Variants in EP400 observed in about 807,000 individuals in gnomAD.
EP400 encodes the protein E1A binding protein p400, also known as E1A-binding protein p400.
In EP400, 105 loss-of-function variants were observed where a neutral mutation model predicts 354.1. That is an observed-to-expected ratio of 0.30 (90% CI 0.25 to 0.35). The LOEUF is 0.35. EP400 is among the 10% of genes least tolerant of loss of function. The pLI, the probability that EP400 is intolerant of heterozygous loss-of-function variation, is 1.00. For missense variants in EP400, 3,280 were observed against 4,121.0 expected (o/e 0.80, Z 5.59); for synonymous variants, 1,646 against 1,716.9 (o/e 0.96, Z 1.02).
chr12:131,989,887 T>TA, intron 7 of EP400, 77 bp from the exon 8 acceptor site: 2 of 1,550,166 alleles, frequency 1.3e-6, no homozygotes, highest in South Asian at 1.2e-5. Context: ...TGAGAAGATT[T>TA]AAAAAAAGTT....
chr12:132,073,693 C>T (rs138434917), intron 51 of EP400, among the ~76,000 whole-genome samples: 2,235 of 151,996 alleles, frequency 0.015, 59 homozygotes, highest in African/African-American at 0.051. Flanking sequence ...CCTCGTGATG[C>T]ACCTGCCTTG....
chr12:132,050,959 T>A lies in EP400; in HGVS notation c.7394+304T>A. On this transcript the variant is annotated intron_variant, in intron 41 of 52. Coordinates refer to ENST00000389561, the MANE Select transcript of EP400 (RefSeq NM_015409.5). The surrounding 1 kb of genome is among the most constrained non-coding windows in gnomAD (Gnocchi z 4.8). ...TGTGGCCAACCACAAGGGGCTTTCT[T>A]CCTCACACCCCACCTCTCAGGCACT... 2.0e-6 allele frequency: 1 copy of A among 504,322 alleles called. No homozygotes were observed. The allele number at this position is 504,322 out of a possible 1,614,324, so 31.2% of individuals were successfully genotyped here. A position where few individuals can be genotyped will look rare whatever the true frequency, so the allele number is the denominator to read the frequency against.
intron 12 of EP400, among the ~76,000 whole-genome samples, chr12:132,004,710 G>T (rs1893523575): frequency 6.6e-6 from 1 of 152,088 alleles, no homozygotes; most frequent in African/African-American, 2.4e-5. Flanking sequence ...AATTTCAGGG[G>T]TGCAAGTACA....
chr12:132,073,444 A>C (rs1157893301), intron 51 of EP400, among the ~76,000 whole-genome samples: 1 of 113,430 alleles, frequency 8.8e-6, no homozygotes, highest in South Asian at 2.4e-4. Flanking sequence ...GTGCGTTTTA[A>C]TTCTGTCCCT....
chr12:132,042,951 C>T (rs1370503384), intron 32 of EP400, among the ~76,000 whole-genome samples: 3 of 152,206 alleles, frequency 2.0e-5, no homozygotes, highest in Non-Finnish European at 4.4e-5. Flanking sequence ...TGGTGTGCAT[C>T]GGGTCTGAGA....
At position 131,981,545 on chromosome 12, in the gene EP400, C is replaced by G; in HGVS notation, c.1492C>G (p.Pro498Ala). The G allele has an allele frequency of 2.5e-6, 4 of 1,601,818 alleles. No individual in the cohort carries two copies. The highest frequency in any genetic ancestry group is 3.4e-6 in the Non-Finnish European group (4 of 1,174,552). The change falls in exon 4 of 53, where the codon CCA (proline) becomes GCA (alanine). Residue 498 changes from proline to alanine, a missense_variant. Transcript: ENST00000389561. Reference sequence around the variant, plus strand: ...TCACCAAGGGGTAGTTTTCCAGCACCCAGGGGCGGACGCAGGCGTTCCTCT... The same window carrying G: ...TCACCAAGGGGTAGTTTTCCAGCACGCAGGGGCGGACGCAGGCGTTCCTCT... ...VGHQGVVFQH[P>A]GADAGVPLQQ...
intron 14 of EP400, 85 bp downstream of exon 14, chr12:132,006,387 C>T (rs961267568): frequency 6.9e-7 from 1 of 1,454,526 alleles, no homozygotes; most frequent in Non-Finnish European, 9.2e-7. Flanking sequence ...TTTCCTCTTC[C>T]CAGTGAAATG....
chr12:131,987,661 C>A, intron 6 of EP400, 44 bp from the exon 7 acceptor site: 1 of 1,505,290 alleles, frequency 6.6e-7, no homozygotes, highest in Non-Finnish European at 8.9e-7. Flanking sequence ...GTGGAACACA[C>A]TCATCACATG....
chr12:131,988,054 C>T (rs1433960789), intron 7 of EP400, among the ~76,000 whole-genome samples, 164 bp downstream of exon 7: 1 of 140,074 alleles, frequency 7.1e-6, no homozygotes, highest in Non-Finnish European at 1.5e-5. Flanking sequence ...GAATGTCCAG[C>T]TAATTTTGTG....
Position 132,029,394 on chromosome 12 carries a change from C to G in EP400, c.5382-307C>G, listed in dbSNP as rs1194736290. ...CCCAAAGTTTCCAGCTGAAGACACA[C>G]TAGAAAGAGAATGGCTTATCTCTGA... On this transcript the variant is annotated intron_variant, in intron 27 of 52. Transcript: ENST00000389561. This position sits in a 1 kb window ranked among gnomAD's most constrained non-coding sequence, Gnocchi z 4.7. 1 of 451,242 alleles carries G rather than the reference C, an allele frequency of 2.2e-6. No individual in the cohort carries two copies. The highest frequency in any genetic ancestry group is 4.0e-6 in the Non-Finnish European group (1 of 250,558). 28.0% of individuals were successfully genotyped at this position (451,242 alleles called of 1,614,324 possible). A position where few individuals can be genotyped will look rare whatever the true frequency, so the allele number is the denominator to read the frequency against.
intron 13 of EP400, 82 bp downstream of exon 13, chr12:132,005,266 A>C: frequency 9.9e-7 from 1 of 1,011,996 alleles, no homozygotes; most frequent in Non-Finnish European, 1.4e-6. Context: ...AGATTTAGAA[A>C]ATTTCTTTTA....
intron 13 of EP400, 41 bp from the exon 14 acceptor site, chr12:132,006,071 T>G: frequency 6.4e-7 from 1 of 1,569,044 alleles, no homozygotes; most frequent in Non-Finnish European, 8.7e-7. Flanking sequence ...TTATAAAGCC[T>G]TCTCAGTGGC....
intron 2 of EP400, 146 bp downstream of exon 2, chr12:131,962,100 A>G: frequency 8.8e-7 from 1 of 1,135,520 alleles, no homozygotes; most frequent in East Asian, 2.6e-5. Flanking sequence ...CCCATAAGTA[A>G]AAGTGAAGAA....
At chr12:132,030,716 C>A (rs942795239) in intron 29 of EP400, among the ~76,000 whole-genome samples, 3 of 152,232 alleles carry the variant, frequency 2.0e-5, no homozygotes, top group Non-Finnish European at 4.4e-5. Context: ...CACTTAAGAT[C>A]TGTCTACATA....
At position 132,021,095 on chromosome 12, in the gene EP400, T is replaced by A; in HGVS notation, c.4464T>A (p.Phe1488Leu). 1 of 1,598,826 alleles carries A rather than the reference T, an allele frequency of 6.3e-7. No homozygotes were observed. Among genetic ancestry groups the A allele is most frequent in the South Asian group, 1.1e-5 (1 of 90,876 alleles). The change falls in exon 23 of 53, where the codon TTT (phenylalanine) becomes TTA (leucine). Residue 1488 changes from phenylalanine to leucine, a missense_variant. By Grantham distance (22) the Phe-to-Leu change is conservative. Around this residue, in one of 20 missense-constraint regions of EP400, gnomAD observed 342 missense variants for 342.7 expected, o/e 1.00. Transcript: ENST00000389561. ...NPEAKAAAAP[F>L]QTSQASASAP... ...CGATTGCAGCAGCAGCAGCCCCGTT[T>A]CAGACCTCTCAGGCTTCCGCCAGTG...
At chr12:131,969,199 G>A (rs888599151) in intron 2 of EP400, among the ~76,000 whole-genome samples, 3 of 152,002 alleles carry the variant, frequency 2.0e-5, no homozygotes, top group Non-Finnish European at 2.9e-5. Context: ...TTTACTCCTA[G>A]TATATCATGA....
At chr12:132,061,361 A>G (rs984988499) in intron 45 of EP400, among the ~76,000 whole-genome samples, 1 of 152,234 alleles carries the variant, frequency 6.6e-6, no homozygotes, top group Non-Finnish European at 1.5e-5. Flanking sequence ...GTGGAATGGA[A>G]AACATGGAGT....
chr12:131,952,315 A>T (rs1891537320), intron 1 of EP400, among the ~76,000 whole-genome samples: 1 of 149,254 alleles, frequency 6.7e-6, no homozygotes, highest in Non-Finnish European at 1.5e-5. Flanking sequence ...AAAAAAAAAA[A>T]AAAAAAAAAA....
intron 30 of EP400, among the ~76,000 whole-genome samples, chr12:132,034,887 C>CA (rs1299025627): frequency 6.6e-6 from 1 of 152,140 alleles, no homozygotes. Flanking sequence ...GCCTGACCCA[C>CA]ACAGACCCCA....
Sources: gnomAD v4.1 joint callset for allele counts (sites outside exome capture counted in the v4.1 genomes callset) on GRCh38, gnomAD v4.1.1 for gene constraint, gnomAD v4.1.1 regional missense constraint, Gnocchi (gnomAD v3.1) non-coding constraint, MANE v1.5 for transcripts, NCBI Gene and HGNC (gene_info 2026-07-23, HGNC 2026-07-21) for gene names.